Variants in CCDC47 observed in about 807,000 individuals in gnomAD.
The protein encoded by CCDC47 is coiled-coil domain containing 47.
A neutral mutation model predicts 60.5 loss-of-function variants in CCDC47; 41 were observed. The ratio of observed to expected loss-of-function variants is 0.68; its 90% CI spans 0.53 to 0.88. The LOEUF is 0.88. CCDC47 is among the 40% of genes least tolerant of loss of function. The pLI is 0.00. For synonymous variants in CCDC47, 195 were observed against 190.7 expected (o/e 1.02, Z -0.18); for missense variants, 513 against 580.9 (o/e 0.88, Z 1.20).
intron 12 of CCDC47, 195 bp downstream of exon 12, chr17:63,751,745 C>A: frequency 1.5e-6 from 1 of 654,264 alleles, no homozygotes; most frequent in Non-Finnish European, 2.7e-6. Flanking sequence ...TTTTCACGTT[C>A]ACAGACTCAG....
chr17:63,764,322 C>T, intron 3 of CCDC47, 132 bp from the exon 4 acceptor site: 1 of 672,904 alleles, frequency 1.5e-6, no homozygotes, highest in Non-Finnish European at 2.4e-6. Context: ...TAAGGTTATA[C>T]TTTGAAAAAT....
At chr17:63,761,444 G>A in intron 4 of CCDC47, 93 bp from the exon 5 acceptor site, 1 of 1,390,974 alleles carries the variant, frequency 7.2e-7, no homozygotes. Flanking sequence ...CACTTTGGGA[G>A]GCTGAGGTGG....
rs200819065 is a variant in CCDC47 at position 63,752,817 on chromosome 17, G to A, written c.1035-18C>T. ...GACCTTCCCTGTCATAAAAGAAAAG[G>A]CAATTAAGAAGGAATACAAGAAAGA... is the stretch of plus-strand genomic sequence containing the variant. On this transcript the variant is annotated intron_variant, in intron 9 of 12. Transcript: ENST00000225726. 1.2e-6 allele frequency: 2 copies of A among 1,607,890 alleles called. No homozygotes were observed. The highest frequency in any genetic ancestry group is 1.7e-6 in the Non-Finnish European group (2 of 1,177,476).
intron 9 of CCDC47, 83 bp from the exon 10 acceptor site, chr17:63,752,882 A>T: frequency 6.5e-7 from 1 of 1,541,354 alleles, no homozygotes; most frequent in East Asian, 2.4e-5. Context: ...CACTTAGATG[A>T]ACAGATACCT....
At chr17:63,754,604 T>C (rs968786711) in intron 8 of CCDC47, 86 bp from the exon 9 acceptor site, 1 of 825,726 alleles carries the variant, frequency 1.2e-6, no homozygotes, top group Non-Finnish European at 1.9e-6. Context: ...TTTGAGATGG[T>C]GCAACGGCTC....
chr17:63,758,898 C>T (rs1254823903), intron 6 of CCDC47, among the ~76,000 whole-genome samples: 1 of 151,588 alleles, frequency 6.6e-6, no homozygotes, highest in Non-Finnish European at 1.5e-5. Context: ...AAAAAAGGGG[C>T]AAATAAAATA....
chr17:63,757,376 T>TA (rs200173061), intron 6 of CCDC47, among the ~76,000 whole-genome samples: 6,158 of 131,492 alleles, frequency 0.047, 190 homozygotes, highest in Non-Finnish European at 0.067. Flanking sequence ...CAAAAAAAAT[T>TA]AAAAAAAAAA....
intron 2 of CCDC47, chr17:63,765,060 TTAA>T (rs2039287268): frequency 5.1e-6 from 3 of 590,818 alleles, no homozygotes; most frequent in Non-Finnish European, 4.3e-6. Flanking sequence ...GTGACTACAG[TTAA>T]TAATAATGTA....
intron 1 of CCDC47, among the ~76,000 whole-genome samples, chr17:63,771,045 G>GAAGAAAGAAAGAAAGAAAGAAAGAAAGA (rs58944348): frequency 2.4e-4 from 23 of 97,820 alleles, no homozygotes; most frequent in African/African-American, 9.1e-4. Context: ...AGGAAGGAAG[G>GAAGAAAGAAAGAAAGAAAGAAAGAAAGA]AAGAAAGAAA....
At chr17:63,751,616 G>A (rs1294438470) in intron 12 of CCDC47, among the ~76,000 whole-genome samples, 8 of 151,904 alleles carry the variant, frequency 5.3e-5, no homozygotes, top group African/African-American at 1.9e-4. Flanking sequence ...ATAATAGGGC[G>A]CATGTGCTGC....
In CCDC47 at chr17:63,761,219, T is replaced by A. The variant is rs182986432; in HGVS notation, c.669+11A>T. The A allele has an allele frequency of 6.3e-5, 101 of 1,614,082 alleles. No individual in the cohort carries two copies. The highest frequency in any genetic ancestry group is 7.8e-5 in the Non-Finnish European group (92 of 1,179,994). On this transcript the variant is annotated intron_variant, in intron 5 of 12. Transcript: ENST00000225726. ...GGAAGATATATATCGTACAAGAAGT[T>A]TCCTACTTACCCTCAGCTGGATAAG...
chr17:63,755,284 A>G lies in CCDC47; in HGVS notation c.949-766T>C, dbSNP rs572838732. ...GCGCGGACAAGGCTAAAGCTTTTTA[A>G]AAATTAAATTTCAATAAGATAGGGA... On this transcript the variant is annotated intron_variant, in intron 8 of 12. Transcript: ENST00000225726. 3 of 985,000 alleles carry G rather than the reference A, an allele frequency of 3.0e-6. No individual in the cohort carries two copies. In the East Asian group the frequency reaches 3.4e-4, roughly 112 times the overall value. 61.0% of individuals were successfully genotyped at this position (985,000 alleles called of 1,614,324 possible). A position where few individuals can be genotyped will look rare whatever the true frequency, so the allele number is the denominator to read the frequency against.
intron 6 of CCDC47, among the ~76,000 whole-genome samples, chr17:63,759,542 TA>T (rs2039237960): frequency 5.5e-5 from 1 of 18,180 alleles, no homozygotes; most frequent in Non-Finnish European, 8.9e-5. Flanking sequence ...TATATATATA[TA>T]TATATATATA....
intron 1 of CCDC47, among the ~76,000 whole-genome samples, chr17:63,769,539 G>A (rs562520135): frequency 2.2e-4 from 33 of 150,038 alleles, no homozygotes; most frequent in Non-Finnish European, 4.4e-4. Context: ...GCTTGAATCA[G>A]GAGGTGGAGG....
chr17:63,757,289 T>C (rs1168494886), intron 6 of CCDC47, among the ~76,000 whole-genome samples: 1 of 150,844 alleles, frequency 6.6e-6, no homozygotes, highest in Admixed American at 6.6e-5. Flanking sequence ...GGAGGATCGA[T>C]TGAGCCCCAG....
intron 3 of CCDC47, 78 bp from the exon 4 acceptor site, chr17:63,764,268 A>G (rs2039281790): frequency 2.8e-6 from 3 of 1,072,540 alleles, no homozygotes; most frequent in African/African-American, 3.2e-5. Flanking sequence ...GAAGAATGAG[A>G]AAATCCATAA....
intron 1 of CCDC47, among the ~76,000 whole-genome samples, chr17:63,773,175 T>C (rs1167261029): frequency 6.6e-6 from 1 of 152,254 alleles, no homozygotes; most frequent in East Asian, 1.9e-4. Context: ...TAAACCCCTT[T>C]GCCTAGTTTC....
At position 63,764,006 on chromosome 17, in the gene CCDC47, C is replaced by A; in HGVS notation, c.547+10G>T. 6.4e-7 allele frequency: 1 copy of A among 1,571,698 alleles called. No individual in the cohort carries two copies. Reference sequence around the variant, plus strand: ...AAGCAAGAAGCTGGGCTGACATTGGCCTCACTTACCCACTAAAGTAAAGTT... The same window carrying A: ...AAGCAAGAAGCTGGGCTGACATTGGACTCACTTACCCACTAAAGTAAAGTT... On this transcript the variant is annotated intron_variant, in intron 4 of 12. Coordinates refer to ENST00000225726, the MANE Select transcript of CCDC47 (RefSeq NM_020198.3).
intron 8 of CCDC47, 35 bp downstream of exon 8, chr17:63,756,203 CAA>C (rs1169123422): frequency 1.4e-6 from 2 of 1,437,030 alleles, no homozygotes; most frequent in African/African-American, 1.4e-5. Context: ...CTGTAAATGC[CAA>C]GGCCTGGCAA....
Sources: gnomAD v4.1 joint callset for allele counts (sites outside exome capture counted in the v4.1 genomes callset) on GRCh38, gnomAD v4.1.1 for gene constraint, MANE v1.5 for transcripts, NCBI Gene and HGNC (gene_info 2026-07-23, HGNC 2026-07-21) for gene names.